Variants in BCLAF3 observed in about 807,000 individuals in gnomAD.
BCLAF3 encodes the protein transient octamer binding factor 1.
BCLAF3 carries 24 observed loss-of-function variants against 51.2 expected under a neutral mutation model. That is an observed-to-expected ratio of 0.47 (90% CI 0.34 to 0.66). The LOEUF (loss-of-function observed/expected upper bound fraction) is 0.66, where lower values mean the gene tolerates loss of function less well. Ranked by LOEUF, BCLAF3 falls within the 30% of genes least tolerant of loss-of-function variation. BCLAF3 has a pLI of 0.01. For missense variants in BCLAF3, 465 were observed against 525.1 expected (o/e 0.89, Z 1.12); for synonymous variants, 152 against 176.6 (o/e 0.86, Z 1.10).
At chrX:19,933,816 G>A (rs993656362) in intron 10 of BCLAF3, among the ~76,000 whole-genome samples, 1 of 111,075 alleles carries the variant, frequency 9.0e-6, no homozygotes, top group Non-Finnish European at 1.9e-5. Context: ...TGTCGCCCAG[G>A]CTTGAGGGCC....
At chrX:19,934,289 G>A (rs1444479295) in intron 10 of BCLAF3, among the ~76,000 whole-genome samples, 1 of 111,926 alleles carries the variant, frequency 8.9e-6, no homozygotes, top group Non-Finnish European at 1.9e-5. Context: ...ATCTTATGAT[G>A]CTGTTAGAAA....
chrX:19,935,730 T>A (rs900411317), intron 10 of BCLAF3, 79 bp downstream of exon 10: 1 of 812,007 alleles, frequency 1.2e-6, no homozygotes, highest in African/African-American at 2.0e-5. Context: ...AAAACAGCTC[T>A]TGATTTACTA....
intron 1 of BCLAF3, among the ~76,000 whole-genome samples, chrX:19,979,918 G>A (rs1166212121): frequency 1.8e-5 from 2 of 108,387 alleles, no homozygotes; most frequent in Non-Finnish European, 3.8e-5. Context: ...AGAGGGAAAG[G>A]GAGAGAGAGA....
At chrX:19,925,553 C>T (rs1678295570) in intron 11 of BCLAF3, among the ~76,000 whole-genome samples, 1 of 111,425 alleles carries the variant, frequency 9.0e-6, no homozygotes, top group Non-Finnish European at 1.9e-5. Context: ...GGCAAAAAGC[C>T]AAAGCAGTGC....
intron 6 of BCLAF3, 92 bp from the exon 7 acceptor site, chrX:19,953,143 T>C: frequency 1.3e-6 from 1 of 748,917 alleles, no homozygotes; most frequent in Non-Finnish European, 1.9e-6. Flanking sequence ...GAAATAAAGC[T>C]AGTATGTTTT....
intron 7 of BCLAF3, among the ~76,000 whole-genome samples, 164 bp from the exon 8 acceptor site, chrX:19,951,032 A>T (rs1296867079): frequency 8.9e-6 from 1 of 112,241 alleles, no homozygotes; most frequent in Non-Finnish European, 1.9e-5. Flanking sequence ...AATTGACAAT[A>T]AACAGTCAGA....
intron 4 of BCLAF3, among the ~76,000 whole-genome samples, chrX:19,964,749 A>G (rs1297617369): frequency 9.0e-6 from 1 of 111,662 alleles, no homozygotes; most frequent in Admixed American, 9.6e-5. Flanking sequence ...TGGATAAGGA[A>G]AACCTGGCAG....
intron 9 of BCLAF3, among the ~76,000 whole-genome samples, 166 bp from the exon 10 acceptor site, chrX:19,936,064 C>T (rs2070744986): frequency 8.9e-6 from 1 of 111,936 alleles, no homozygotes; most frequent in African/African-American, 3.2e-5. Context: ...TTGACCCATG[C>T]TAACTTGACC....
At chrX:19,969,935 C>T (rs1837395408) in intron 2 of BCLAF3, among the ~76,000 whole-genome samples, 1 of 112,341 alleles carries the variant, frequency 8.9e-6, no homozygotes, top group Admixed American at 9.4e-5. Context: ...GAAATCCATA[C>T]TGAGGAGTTC....
chrX:19,965,940 G>T (rs1016671407), intron 3 of BCLAF3, 140 bp downstream of exon 3: 1 of 598,127 alleles, frequency 1.7e-6, no homozygotes, highest in Non-Finnish European at 2.6e-6. Context: ...ACTACTACCA[G>T]TACCCCATAA....
At chrX:19,962,508 A>G (rs2071893653) in intron 4 of BCLAF3, among the ~76,000 whole-genome samples, 1 of 112,549 alleles carries the variant, frequency 8.9e-6, no homozygotes, top group Non-Finnish European at 1.9e-5. Flanking sequence ...TTAAAAAGTT[A>G]AAGATTTTTA....
intron 8 of BCLAF3, among the ~76,000 whole-genome samples, chrX:19,941,201 C>T (rs1384469747): frequency 3.7e-5 from 4 of 107,524 alleles, no homozygotes; most frequent in Non-Finnish European, 7.6e-5. Flanking sequence ...GTTGCGAAAA[C>T]TTTCTCCCAT....
chrX:19,972,403 C>T (rs1021991949), intron 1 of BCLAF3, among the ~76,000 whole-genome samples: 1 of 110,706 alleles, frequency 9.0e-6, no homozygotes, highest in Non-Finnish European at 1.9e-5. Context: ...TTTTTGGGGG[C>T]GGGTGGGAAC....
At chrX:19,934,026 T>G (rs751398417) in intron 10 of BCLAF3, among the ~76,000 whole-genome samples, 15 of 111,666 alleles carry the variant, frequency 1.3e-4, no homozygotes, top group Non-Finnish European at 2.4e-4. Context: ...TCCACCCGTC[T>G]CAGCAACCCA....
intron 1 of BCLAF3, among the ~76,000 whole-genome samples, chrX:19,971,786 A>C (rs183614553): frequency 3.6e-5 from 4 of 112,075 alleles, no homozygotes; most frequent in Admixed American, 1.9e-4. Context: ...CACAGAATAA[A>C]TAAGTGTATG....
Position 19,916,402 on chromosome X carries a change from C to T in BCLAF3, c.*903G>A, listed in dbSNP as rs943050679. 6 of 111,883 alleles carry T rather than the reference C, an allele frequency of 5.4e-5. No homozygotes were observed. Among genetic ancestry groups the T allele is most frequent in the Non-Finnish European group, 9.4e-5 (5 of 52,971 alleles). 9.2% of individuals were successfully genotyped at this position (111,883 alleles called of 1,213,427 possible). On this transcript the variant is annotated 3_prime_UTR_variant, in exon 12 of 12. Transcript: ENST00000379682. ...GGCCTAAAAATTTCATTTAAAAATC[C>T]CATCCATTTGCTCTTACACATAGTA...
In BCLAF3 at chrX:19,935,751, C is replaced by T. The variant is rs952480142; in HGVS notation, c.1950+58G>A. The T allele has an allele frequency of 4.2e-6, 4 of 946,281 alleles. No homozygotes were observed. The African/African-American group carries it at 5.8e-5, about 14-fold the overall frequency. The allele number at this position is 946,281 out of a possible 1,213,427, so 78.0% of individuals were successfully genotyped here. On this transcript the variant is annotated intron_variant, in intron 10 of 11. Transcript: ENST00000379682. ...GCTCTTGATTTACTAACACTTAAAA[C>T]ATTGTGTCCAAAGCATAAAACCAAA... is the stretch of plus-strand genomic sequence containing the variant.
chrX:19,914,272 T>C lies in BCLAF3; in HGVS notation c.*3033A>G, dbSNP rs2069878275. 1 of 111,347 alleles carries C rather than the reference T, an allele frequency of 9.0e-6. No homozygotes were observed. The highest frequency in any genetic ancestry group is 9.7e-5 in the Admixed American group (1 of 10,358). 9.2% of individuals were successfully genotyped at this position (111,347 alleles called of 1,213,427 possible). A position where few individuals can be genotyped will look rare whatever the true frequency, so the allele number is the denominator to read the frequency against. On this transcript the variant is annotated 3_prime_UTR_variant, in exon 12 of 12. Coordinates refer to ENST00000379682, the MANE Select transcript of BCLAF3 (RefSeq NM_001367774.2). ...CCTTTGTCCATACTGGGGCCCACTG[T>C]TACCAATATTTTTGTCATCTCCATT...
chrX:19,973,329 T>C (rs1308283957), intron 1 of BCLAF3, among the ~76,000 whole-genome samples: 1 of 112,021 alleles, frequency 8.9e-6, no homozygotes, highest in East Asian at 2.8e-4. Flanking sequence ...TTTTAAAAAA[T>C]AATTCAAAAG....
Sources: gnomAD v4.1 joint callset for allele counts (sites outside exome capture counted in the v4.1 genomes callset) on GRCh38, gnomAD v4.1.1 for gene constraint, MANE v1.5 for transcripts, NCBI Gene and HGNC (gene_info 2026-07-23, HGNC 2026-07-21) for gene names.